The following CLVS1 variants were observed in gnomAD, a reference collection of about 807,000 sequenced individuals.
CLVS1 encodes the protein clavesin-1.
Under a neutral mutation model 33.1 loss-of-function variants are expected in CLVS1, and 10 were observed. The observed-to-expected ratio is 0.30, with a 90% confidence interval of 0.19 to 0.51. CLVS1 has a LOEUF of 0.51. CLVS1 is among the 20% of genes least tolerant of loss of function. The pLI is 0.97. For synonymous variants in CLVS1, 163 were observed against 166.1 expected (o/e 0.98, Z 0.14); for missense variants, 343 against 433.4 (o/e 0.79, Z 1.85).
chr8:61,202,437 T>A, intron 2 of CLVS1: 8 of 781,850 alleles, frequency 1.0e-5, no homozygotes. Flanking sequence ...ACAAAGATTG[T>A]CACTTTAAGG....
intron 2 of CLVS1, among the ~76,000 whole-genome samples, chr8:61,317,124 TAA>T (rs1187293906): frequency 6.6e-6 from 1 of 152,192 alleles, no homozygotes; most frequent in South Asian, 2.1e-4. Flanking sequence ...TGGTAATTTA[TAA>T]ACAACAGAAA....
chr8:61,353,737 G>T (rs771404430), intron 2 of CLVS1, among the ~76,000 whole-genome samples: 16 of 133,366 alleles, frequency 1.2e-4, no homozygotes, highest in African/African-American at 2.1e-4. Flanking sequence ...AAAAAATAAA[G>T]AAAGAACAAA....
chr8:61,173,996 T>C (rs1282706457), intron 2 of CLVS1, among the ~76,000 whole-genome samples: 4 of 152,216 alleles, frequency 2.6e-5, no homozygotes, highest in African/African-American at 4.8e-5. Flanking sequence ...CAGTTTCTTG[T>C]ATCTGTAATG....
intron 2 of CLVS1, among the ~76,000 whole-genome samples, chr8:61,207,041 A>G (rs1006929909): frequency 2.6e-5 from 4 of 152,212 alleles, no homozygotes; most frequent in African/African-American, 9.7e-5. Context: ...TTGATGAATG[A>G]ATGAAAGAGC....
At chr8:61,248,973 G>C (rs1808877028) in intron 2 of CLVS1, among the ~76,000 whole-genome samples, 1 of 152,030 alleles carries the variant, frequency 6.6e-6, no homozygotes, top group Non-Finnish European at 1.5e-5. Flanking sequence ...GTGCAGTTTT[G>C]TTACATAGAG....
chr8:61,041,258 G>A, the CLVS1 span, among the ~76,000 whole-genome samples: 114 of 152,212 alleles, frequency 7.5e-4, 1 homozygote, highest in African/African-American at 2.6e-3. Context: ...TTTCAAGTCA[G>A]ACAATGTAAT....
At chr8:61,155,054 G>A (rs944272494) in intron 2 of CLVS1, among the ~76,000 whole-genome samples, 1 of 152,144 alleles carries the variant, frequency 6.6e-6, no homozygotes, top group African/African-American at 2.4e-5. Context: ...AGAGTCGCAG[G>A]CTCTGGAGCT....
chr8:61,445,607 C>T (rs1816731391), intron 3 of CLVS1, among the ~76,000 whole-genome samples: 1 of 151,982 alleles, frequency 6.6e-6, no homozygotes, highest in South Asian at 2.1e-4. Context: ...AATAAACCTC[C>T]TTTTTTTTAT....
chr8:60,971,041 CT>C, the CLVS1 span, among the ~76,000 whole-genome samples: 73,682 of 129,406 alleles, frequency 0.57, 20,201 homozygotes, highest in South Asian at 0.72. Context: ...AATCTAGCAA[CT>C]TTTTTTTTTT....
intron 1 of CLVS1, among the ~76,000 whole-genome samples, chr8:61,095,667 G>C (rs1315359639): frequency 6.6e-6 from 1 of 152,162 alleles, no homozygotes; most frequent in African/African-American, 2.4e-5. Flanking sequence ...CTCTCACTCT[G>C]TTTTCTGGTC....
chr8:61,176,298 C>G (rs1359412170), intron 2 of CLVS1, among the ~76,000 whole-genome samples: 1 of 152,094 alleles, frequency 6.6e-6, no homozygotes, highest in Non-Finnish European at 1.5e-5. Context: ...TGAGAGACAT[C>G]CCAGTCATTC....
At chr8:61,262,854 C>A (rs192063518) in intron 2 of CLVS1, among the ~76,000 whole-genome samples, 9,118 of 152,194 alleles carry the variant, frequency 0.06, 444 homozygotes, top group African/African-American at 0.13. Context: ...GCTACAGCAG[C>A]AAACAGCACT....
intron 2 of CLVS1, among the ~76,000 whole-genome samples, chr8:61,251,049 G>A (rs1808934730): frequency 2.0e-5 from 3 of 152,124 alleles, no homozygotes; most frequent in Non-Finnish European, 4.4e-5. Context: ...TTGGCTGTGG[G>A]TTTGTCATAA....
chr8:61,143,007 G>A (rs1398873708), intron 2 of CLVS1, among the ~76,000 whole-genome samples: 1 of 152,142 alleles, frequency 6.6e-6, no homozygotes, highest in Non-Finnish European at 1.5e-5. Context: ...TGAACTAGAT[G>A]AGTTAAATTG....
upstream of CLVS1, among the ~76,000 whole-genome samples, chr8:61,283,977 G>A (rs1809725645): frequency 6.6e-6 from 1 of 152,010 alleles, no homozygotes; most frequent in Admixed American, 6.6e-5. Context: ...ATATGGAATC[G>A]GCCTAAGTGT....
intron 2 of CLVS1, among the ~76,000 whole-genome samples, chr8:61,352,012 G>C (rs1282756715): frequency 1.3e-5 from 2 of 151,962 alleles, no homozygotes; most frequent in Non-Finnish European, 2.9e-5. Context: ...AGGAAGAGTA[G>C]AAACATGTGC....
intron 4 of CLVS1, among the ~76,000 whole-genome samples, chr8:61,456,896 C>T (rs1161772246): frequency 6.9e-5 from 10 of 145,244 alleles, no homozygotes; most frequent in South Asian, 4.4e-4. Flanking sequence ...CCAGCTTGGG[C>T]AACAGAGCAA....
chr8:60,991,113 A>T, the CLVS1 span, among the ~76,000 whole-genome samples: 1 of 152,218 alleles, frequency 6.6e-6, no homozygotes, highest in East Asian at 1.9e-4. Flanking sequence ...GGAAAGACCT[A>T]CATTGGTGAA....
chr8:61,056,090 G>A (rs1804468951), upstream of CLVS1, among the ~76,000 whole-genome samples: 1 of 152,176 alleles, frequency 6.6e-6, no homozygotes, highest in Admixed American at 6.5e-5. Flanking sequence ...TAGGACTGAC[G>A]TTGGACCATG....
Sources: gnomAD v4.1 joint callset for allele counts (sites outside exome capture counted in the v4.1 genomes callset) on GRCh38, gnomAD v4.1.1 for gene constraint, MANE v1.5 for transcripts, NCBI Gene and HGNC (gene_info 2026-07-23, HGNC 2026-07-21) for gene names.